The following P3H2 variants were observed in gnomAD, a reference collection of about 807,000 sequenced individuals.
The protein encoded by P3H2 is prolyl 3-hydroxylase 2.
A neutral mutation model predicts 87.0 loss-of-function variants in P3H2; 80 were observed. The ratio of observed to expected loss-of-function variants is 0.92; its 90% CI spans 0.77 to 1.11. The LOEUF (loss-of-function observed/expected upper bound fraction) is 1.11, where lower values mean the gene tolerates loss of function less well. P3H2 is among the 50% of genes least tolerant of loss of function. The pLI is 0.00. For missense variants in P3H2, 1,001 were observed against 923.9 expected (o/e 1.08, Z -1.08); for synonymous variants, 367 against 359.3 (o/e 1.02, Z -0.24).
chr3:190,072,302 C>T (rs551544697), intron 1 of P3H2, among the ~76,000 whole-genome samples: 2 of 152,242 alleles, frequency 1.3e-5, no homozygotes, highest in East Asian at 3.9e-4. Context: ...ACTGGAATTA[C>T]AGGCATGAGC....
At position 190,039,194 on chromosome 3, in the gene P3H2, A is replaced by AAAT. The variant is rs1553877634; in HGVS notation, c.481-43753_481-43752insATT. On this transcript the variant is annotated intron_variant, in intron 1 of 14. Coordinates refer to ENST00000319332, the MANE Select transcript of P3H2 (RefSeq NM_018192.4). ...ACAAAAGCGAAACTCCATCTCAAAAAAAAAAATAAAAAAGAATTGAGCACT... is the reference window on the plus strand; with the variant it reads ...ACAAAAGCGAAACTCCATCTCAAAAAAATAAAAAATAAAAAAGAATTGAGCACT... Among the ~76,000 whole-genome samples the AAAT allele has an allele frequency of 1.5e-3, 225 of 151,992 alleles. 1 individual carries two copies. The highest frequency in any genetic ancestry group is 6.9e-3 in the Middle Eastern group (2 of 290).
intron 8 of P3H2, among the ~76,000 whole-genome samples, chr3:189,979,061 G>A (rs751641440): frequency 2.0e-4 from 30 of 152,150 alleles, no homozygotes; most frequent in Non-Finnish European, 4.0e-4. Context: ...ATTCGATAGT[G>A]TCATACAAAG....
At chr3:190,047,800 A>G (rs1725852111) in intron 1 of P3H2, among the ~76,000 whole-genome samples, 2 of 152,306 alleles carry the variant, frequency 1.3e-5, no homozygotes, top group Middle Eastern at 3.4e-3. Flanking sequence ...GTGAGAATGA[A>G]GAGGCATTGG....
chr3:190,095,887 C>T (rs975348724), intron 1 of P3H2, among the ~76,000 whole-genome samples: 1 of 152,128 alleles, frequency 6.6e-6, no homozygotes, highest in Admixed American at 6.5e-5. Context: ...CAGGCTTGAG[C>T]CACCGCGCCC....
At chr3:190,092,359 G>A (rs1295465368) in intron 1 of P3H2, among the ~76,000 whole-genome samples, 1 of 152,164 alleles carries the variant, frequency 6.6e-6, no homozygotes, top group Non-Finnish European at 1.5e-5. Context: ...TAACCCCAAT[G>A]CCATGAGTCA....
intron 8 of P3H2, among the ~76,000 whole-genome samples, chr3:189,975,262 T>C (rs1723315154): frequency 6.6e-6 from 1 of 152,222 alleles, no homozygotes; most frequent in Admixed American, 6.5e-5. Flanking sequence ...ATCACGTTTC[T>C]ATTTCCACAC....
chr3:190,043,569 G>A (rs574093665), intron 1 of P3H2, among the ~76,000 whole-genome samples: 7 of 152,210 alleles, frequency 4.6e-5, no homozygotes, highest in African/African-American at 1.7e-4. Flanking sequence ...CTTTATTGAG[G>A]TATAACTGGT....
In P3H2 at chr3:190,120,851, G is replaced by T. The variant is rs1403415930; in HGVS notation, c.-120C>A. On this transcript the variant is annotated 5_prime_UTR_variant, in exon 1 of 15. Coordinates refer to ENST00000319332, the MANE Select transcript of P3H2 (RefSeq NM_018192.4). ...GCGCCGACTCCGCCGCGATCTGGCCGCTCCGCGAGCCCCAGGTGACCGCCG... is the reference window on the plus strand; with the variant it reads ...GCGCCGACTCCGCCGCGATCTGGCCTCTCCGCGAGCCCCAGGTGACCGCCG... 7.1e-7 allele frequency: 1 copy of T among 1,412,892 alleles called. No homozygotes were observed. The highest frequency in any genetic ancestry group is 2.6e-5 in the Admixed American group (1 of 38,376). The allele number at this position is 1,412,892 out of a possible 1,614,324, so 87.5% of individuals were successfully genotyped here. A position where few individuals can be genotyped will look rare whatever the true frequency, so the allele number is the denominator to read the frequency against.
At chr3:189,980,953 C>T (rs1242666101) in intron 8 of P3H2, among the ~76,000 whole-genome samples, 2 of 152,160 alleles carry the variant, frequency 1.3e-5, no homozygotes, top group Admixed American at 1.3e-4. Flanking sequence ...TTGGGGCCTG[C>T]AAATTAAGCT....
rs771497202 is a variant in P3H2, at chr3:189,983,159, T to G, written c.1230-19A>C. Reference sequence around the variant, plus strand: ...AGGGACCCTGCCCATTCAAAAAATTTAAAATGGCAATTTGTCATTGAATAA... The same window carrying G: ...AGGGACCCTGCCCATTCAAAAAATTGAAAATGGCAATTTGTCATTGAATAA... On this transcript the variant is annotated intron_variant, in intron 7 of 14. Coordinates refer to ENST00000319332, the MANE Select transcript of P3H2 (RefSeq NM_018192.4). 1 of 1,581,746 alleles carries G rather than the reference T, an allele frequency of 6.3e-7. No homozygotes were observed. Among genetic ancestry groups the G allele is most frequent in the Non-Finnish European group, 8.7e-7 (1 of 1,150,826 alleles).
At chr3:189,973,882 C>T in intron 10 of P3H2, 27 bp downstream of exon 10, 1 of 1,572,558 alleles carries the variant, frequency 6.4e-7, no homozygotes, top group Non-Finnish European at 8.8e-7. Flanking sequence ...CTAAGGAACT[C>T]AAACCCAAAA....
At chr3:190,013,989 ACT>A (rs749261170) in intron 1 of P3H2, among the ~76,000 whole-genome samples, 11 of 152,024 alleles carry the variant, frequency 7.2e-5, no homozygotes, top group Non-Finnish European at 1.3e-4. Flanking sequence ...GAAGAAAATT[ACT>A]CTCTGGGCAT....
intron 1 of P3H2, among the ~76,000 whole-genome samples, chr3:190,069,536 T>C (rs1483995721): frequency 6.6e-6 from 1 of 152,204 alleles, no homozygotes; most frequent in Non-Finnish European, 1.5e-5. Context: ...ATGTTTACCT[T>C]TTCTTCTTTT....
At chr3:190,094,330 C>T (rs775872323) in intron 1 of P3H2, among the ~76,000 whole-genome samples, 2 of 152,188 alleles carry the variant, frequency 1.3e-5, no homozygotes, top group Non-Finnish European at 2.9e-5. Flanking sequence ...TTTCAACTAG[C>T]CTCGGGATTC....
rs75123245 is a variant in P3H2 at position 190,059,515 on chromosome 3, G to C, written c.480+60737C>G. Among the ~76,000 whole-genome samples, 128 of 152,230 alleles carry C rather than the reference G, an allele frequency of 8.4e-4. 1 individual carries two copies. The East Asian group carries it at 0.022, about 26-fold the overall frequency. ...TCATGGTGAAAGAAGCAAAGACTAA[G>C]AGAATGAGAAAGCTCTGAACTACCA... On this transcript the variant is annotated intron_variant, in intron 1 of 14. Coordinates refer to ENST00000319332, the MANE Select transcript of P3H2 (RefSeq NM_018192.4).
chr3:189,974,073 G>A (rs1356164352), intron 9 of P3H2, 69 bp from the exon 10 acceptor site: 1 of 1,319,438 alleles, frequency 7.6e-7, no homozygotes, highest in African/African-American at 1.4e-5. Flanking sequence ...TTTCTGCTTT[G>A]GCTGCCAGAA....
In P3H2 at chr3:190,081,814, G is replaced by A. The variant is rs192453243; in HGVS notation, c.480+38438C>T. 3.1e-3 allele frequency among the ~76,000 whole-genome samples: 467 copies of A among 152,260 alleles called. 1 individual carries two copies. The highest frequency in any genetic ancestry group is 9.4e-3 in the African/African-American group (390 of 41,556). On this transcript the variant is annotated intron_variant, in intron 1 of 14. Coordinates refer to ENST00000319332, the MANE Select transcript of P3H2 (RefSeq NM_018192.4). ...AGACAAGTTGAAGAGTCAATCATAG[G>A]GCTGGGGCTGTAGGATGATACCCAG...
chr3:190,036,920 A>G (rs1421959824), intron 1 of P3H2, among the ~76,000 whole-genome samples: 1 of 146,876 alleles, frequency 6.8e-6, no homozygotes. Context: ...TTGAGAAACT[A>G]TGTTGGCAAC....
intron 1 of P3H2, among the ~76,000 whole-genome samples, chr3:190,058,914 G>A (rs1726250970): frequency 6.6e-6 from 1 of 152,136 alleles, no homozygotes; most frequent in Admixed American, 6.5e-5. Flanking sequence ...AAACACAATG[G>A]CTTCCTTCTT....
Sources: allele counts gnomAD v4.1 joint callset (sites outside exome capture counted in the v4.1 genomes callset), GRCh38; gene constraint gnomAD v4.1.1; transcripts MANE v1.5; gene names NCBI Gene and HGNC (gene_info 2026-07-23, HGNC 2026-07-21).